Variants in COL13A1 observed in about 807,000 individuals in gnomAD.
The protein encoded by COL13A1 is collagen type XIII alpha 1 chain.
A neutral mutation model predicts 130.9 loss-of-function variants in COL13A1; 89 were observed. The observed-to-expected ratio is 0.68, with a 90% CI of 0.57 to 0.81. COL13A1 has a LOEUF of 0.81. Among genes scored for constraint, COL13A1 ranks in the 30% least tolerant of loss-of-function variants. COL13A1 has a pLI of 0.00. For synonymous variants in COL13A1, 402 were observed against 341.6 expected (o/e 1.18, Z -1.95); for missense variants, 879 against 934.6 (o/e 0.94, Z 0.78).
At chr10:69,819,523 A>G (rs1845483766) in intron 1 of COL13A1, among the ~76,000 whole-genome samples, 1 of 152,190 alleles carries the variant, frequency 6.6e-6, no homozygotes, top group Non-Finnish European at 1.5e-5. Context: ...CCCTAGAGTC[A>G]GTCCAATTTG....
chr10:69,838,643 G>A (rs1850749839), intron 2 of COL13A1, among the ~76,000 whole-genome samples: 2 of 152,242 alleles, frequency 1.3e-5, no homozygotes, highest in African/African-American at 2.4e-5. Context: ...ACCGGCCCTT[G>A]CCAGAGGAAT....
intron 16 of COL13A1, among the ~76,000 whole-genome samples, chr10:69,905,222 T>C (rs570635018): frequency 3.3e-5 from 5 of 152,312 alleles, no homozygotes; most frequent in African/African-American, 9.6e-5. Flanking sequence ...CTAAGGAGTA[T>C]AGCGTCTAGC....
At chr10:69,924,097 T>C (rs2065040617) in intron 24 of COL13A1, among the ~76,000 whole-genome samples, 1 of 152,162 alleles carries the variant, frequency 6.6e-6, no homozygotes, top group African/African-American at 2.4e-5. Flanking sequence ...TCCCGAGCCA[T>C]TGGTAAACGA....
chr10:69,922,719 C>A lies in COL13A1; in HGVS notation c.1155C>A (p.Gly385=), dbSNP rs759101940. The A allele has an allele frequency of 2.5e-6, 4 of 1,605,822 alleles. No individual in the cohort carries two copies. Among genetic ancestry groups the A allele is most frequent in the Non-Finnish European group, 3.4e-6 (4 of 1,176,726 alleles). ...CCTTCCACCCCCAGGGAGAGAAAGG[C>A]GATGCTGGCAACTCCATTGGAGGAG... is the stretch of plus-strand genomic sequence containing the variant. ...PGLLGQKGEK[G]DAGNSIGGGR... The change falls in exon 23 of 41, where the codon GGC becomes GGA. Residue 385 remains glycine, a synonymous_variant. Coordinates refer to ENST00000645393, the MANE Select transcript of COL13A1 (RefSeq NM_001368882.1).
intron 2 of COL13A1, among the ~76,000 whole-genome samples, chr10:69,841,906 T>A (rs1258051250): frequency 6.6e-6 from 1 of 152,064 alleles, no homozygotes; most frequent in African/African-American, 2.4e-5. Context: ...TGGTATGAGA[T>A]GAGATTCAGC....
chr10:69,888,750 C>T (rs376349062), intron 9 of COL13A1, among the ~76,000 whole-genome samples: 4 of 152,142 alleles, frequency 2.6e-5, no homozygotes, highest in South Asian at 2.1e-4. Context: ...TCTCCCTCCC[C>T]GATTGAGACC....
chr10:69,834,825 G>A (rs2133053008), intron 2 of COL13A1, among the ~76,000 whole-genome samples: 1 of 152,312 alleles, frequency 6.6e-6, no homozygotes, highest in East Asian at 1.9e-4. Flanking sequence ...GAAATGCTGA[G>A]GGCCCTGGAA....
chr10:69,833,665 T>C (rs1394339663), intron 2 of COL13A1, among the ~76,000 whole-genome samples: 5 of 152,164 alleles, frequency 3.3e-5, no homozygotes, highest in South Asian at 2.1e-4. Context: ...AAGTAAGATT[T>C]CAGTAAATGA....
intron 2 of COL13A1, among the ~76,000 whole-genome samples, chr10:69,857,806 C>A (rs551464450): frequency 2.0e-5 from 3 of 152,292 alleles, no homozygotes; most frequent in Admixed American, 6.5e-5. Flanking sequence ...CATGGTAATA[C>A]CTGTGAAGCA....
At position 69,894,671 on chromosome 10, in the gene COL13A1, G is replaced by T. The variant is rs1329504336; in HGVS notation, c.631-4G>T. On this transcript the variant is annotated splice_polypyrimidine_tract_variant and splice_region_variant and intron_variant, in intron 11 of 40. Transcript: ENST00000645393. ...CTAACTCTCTCATCTCCGTCTCTTT[G>T]TAGGGACCCCAGGGACAAAAAGGAG... 4 of 1,613,928 alleles carry T rather than the reference G, an allele frequency of 2.5e-6. No homozygotes were observed. The highest frequency in any genetic ancestry group is 2.2e-5 in the South Asian group (2 of 91,086).
Position 69,917,506 on chromosome 10 carries a change from G to A in COL13A1, c.966+173G>A, listed in dbSNP as rs373671629. On this transcript the variant is annotated intron_variant, in intron 18 of 40. Transcript: ENST00000645393. ...GTCTCTCATCAGTGCCCCCTGATGC[G>A]GGCGGCCTCCTCCTGGGCATCCCTG... 1.4e-4 allele frequency among the ~76,000 whole-genome samples: 21 copies of A among 152,072 alleles called. No homozygotes were observed. In the East Asian group the frequency reaches 2.1e-3, roughly 15 times the overall value.
At chr10:69,893,362 T>C (rs1248869024) in intron 10 of COL13A1, among the ~76,000 whole-genome samples, 1 of 152,164 alleles carries the variant, frequency 6.6e-6, no homozygotes, top group Non-Finnish European at 1.5e-5. Flanking sequence ...AATAAAACAA[T>C]AAAAGACCAA....
intron 38 of COL13A1, among the ~76,000 whole-genome samples, chr10:69,951,942 A>AAAATGC (rs879350699): frequency 5.1e-4 from 78 of 152,348 alleles, no homozygotes; most frequent in African/African-American, 1.8e-3. Flanking sequence ...AACACATATA[A>AAAATGC]AAATGCAAAT....
chr10:69,868,994 C>G (rs2058797276), intron 3 of COL13A1, among the ~76,000 whole-genome samples: 1 of 152,208 alleles, frequency 6.6e-6, no homozygotes, highest in African/African-American at 2.4e-5. Flanking sequence ...CAACTGCCCC[C>G]ACCCTGCCTT....
At chr10:69,938,323 AG>A (rs1338041340) in intron 34 of COL13A1, among the ~76,000 whole-genome samples, 1 of 152,158 alleles carries the variant, frequency 6.6e-6, no homozygotes, top group African/African-American at 2.4e-5. Context: ...TGGGCTGGAT[AG>A]GGCTGATGGC....
intron 17 of COL13A1, among the ~76,000 whole-genome samples, chr10:69,913,400 C>G (rs529543543): frequency 1.2e-4 from 19 of 152,218 alleles, no homozygotes; most frequent in African/African-American, 4.3e-4. Context: ...GAGCCAGGCC[C>G]TCCAAAAACC....
At chr10:69,950,931 C>A (rs2069443188) in intron 38 of COL13A1, among the ~76,000 whole-genome samples, 1 of 152,192 alleles carries the variant, frequency 6.6e-6, no homozygotes, top group African/African-American at 2.4e-5. Context: ...TCACTGCAAC[C>A]TCTGCCTCCT....
intron 37 of COL13A1, among the ~76,000 whole-genome samples, chr10:69,946,871 T>G (rs2136206067): frequency 6.6e-6 from 1 of 152,224 alleles, no homozygotes; most frequent in Admixed American, 6.5e-5. Context: ...CACTGCAACC[T>G]CAGCCTCCCA....
chr10:69,934,924 G>A (rs1286989610), intron 31 of COL13A1, among the ~76,000 whole-genome samples: 1 of 152,180 alleles, frequency 6.6e-6, no homozygotes, highest in East Asian at 1.9e-4. Flanking sequence ...GACTGCAAGA[G>A]CGCTGGATCA....
Sources: allele counts gnomAD v4.1 joint callset (sites outside exome capture counted in the v4.1 genomes callset), GRCh38; gene constraint gnomAD v4.1.1; transcripts MANE v1.5; gene names NCBI Gene and HGNC (gene_info 2026-07-23, HGNC 2026-07-21).